Variants in CCDC102B observed in about 807,000 individuals in gnomAD.
CCDC102B encodes the protein coiled-coil domain-containing protein 102B.
Under a neutral mutation model 57.4 loss-of-function variants are expected in CCDC102B, and 75 were observed. The observed-to-expected ratio is 1.31, with a 90% CI of 1.08 to 1.58. CCDC102B has a LOEUF of 1.58. Ranked by LOEUF, CCDC102B falls within the 40% of genes most tolerant of loss-of-function variation. CCDC102B has a pLI of 0.00. For synonymous variants in CCDC102B, 206 were observed against 201.9 expected (o/e 1.02, Z -0.17); for missense variants, 636 against 582.6 (o/e 1.09, Z -0.94).
chr18:68,718,292 G>C (rs950784694), intron 2 of CCDC102B, among the ~76,000 whole-genome samples: 12 of 152,164 alleles, frequency 7.9e-5, no homozygotes, highest in Admixed American at 5.9e-4. Flanking sequence ...GAGTAGAATA[G>C]AAGATAAATT....
intron 6 of CCDC102B, among the ~76,000 whole-genome samples, chr18:68,935,679 C>A (rs1014333868): frequency 2.0e-5 from 3 of 151,824 alleles, no homozygotes; most frequent in African/African-American, 7.3e-5. Flanking sequence ...AGAAAAGCAA[C>A]CAGGCCAGAA....
chr18:68,916,753 A>G (rs1048070607), intron 6 of CCDC102B, among the ~76,000 whole-genome samples: 1 of 152,214 alleles, frequency 6.6e-6, no homozygotes, highest in Non-Finnish European at 1.5e-5. Flanking sequence ...ACTCTGTTCA[A>G]TGTTACAAAT....
At chr18:68,720,316 A>C (rs1376205025) in intron 2 of CCDC102B, among the ~76,000 whole-genome samples, 1 of 152,208 alleles carries the variant, frequency 6.6e-6, no homozygotes, top group East Asian at 1.9e-4. Flanking sequence ...AGGAATTTTC[A>C]GGTGGTTTTT....
intron 6 of CCDC102B, among the ~76,000 whole-genome samples, chr18:68,930,937 A>T (rs2041652572): frequency 6.6e-6 from 1 of 151,882 alleles, no homozygotes; most frequent in African/African-American, 2.4e-5. Context: ...TCAAATGAGC[A>T]CATGATTTGT....
chr18:68,892,840 T>C (rs903678873), intron 5 of CCDC102B, among the ~76,000 whole-genome samples: 8 of 152,176 alleles, frequency 5.3e-5, no homozygotes, highest in African/African-American at 1.9e-4. Flanking sequence ...TAAAAATAGG[T>C]ATAACATCAA....
intron 4 of CCDC102B, among the ~76,000 whole-genome samples, chr18:68,850,032 T>C (rs28585970): frequency 0.027 from 4,168 of 152,172 alleles, 189 homozygotes; most frequent in African/African-American, 0.094. Context: ...TTTCCACTTA[T>C]AATTCACAGA....
chr18:68,730,827 G>A (rs573923791), intron 2 of CCDC102B, among the ~76,000 whole-genome samples: 3 of 152,128 alleles, frequency 2.0e-5, no homozygotes, highest in East Asian at 1.9e-4. Flanking sequence ...ACTGTATTCC[G>A]CATCCTGTAT....
chr18:68,899,407 T>C (rs1056529367), intron 6 of CCDC102B, among the ~76,000 whole-genome samples: 1 of 151,834 alleles, frequency 6.6e-6, no homozygotes, highest in Non-Finnish European at 1.5e-5. Flanking sequence ...ATAACTACCA[T>C]AGATGAATAC....
intron 6 of CCDC102B, among the ~76,000 whole-genome samples, chr18:68,988,431 C>T (rs765994828): frequency 4.0e-5 from 6 of 151,764 alleles, no homozygotes; most frequent in Non-Finnish European, 5.9e-5. Flanking sequence ...GAGCAAGGAC[C>T]TACTGAGTAC....
chr18:68,741,295 G>A (rs975623082), intron 2 of CCDC102B, among the ~76,000 whole-genome samples: 1 of 152,220 alleles, frequency 6.6e-6, no homozygotes, highest in African/African-American at 2.4e-5. Context: ...AGGCAGGACA[G>A]GGGGTCAAGC....
intron 5 of CCDC102B, among the ~76,000 whole-genome samples, chr18:68,893,810 C>T (rs2040156519): frequency 6.6e-6 from 1 of 152,122 alleles, no homozygotes; most frequent in African/African-American, 2.4e-5. Context: ...ACAGTTTTTA[C>T]AAGCAACTCA....
chr18:68,959,015 G>C (rs1178251239), intron 6 of CCDC102B, among the ~76,000 whole-genome samples: 2 of 152,154 alleles, frequency 1.3e-5, no homozygotes, highest in Non-Finnish European at 2.9e-5. Context: ...TGCTTGTGTA[G>C]TTTGTTTAGT....
upstream of CCDC102B, among the ~76,000 whole-genome samples, chr18:68,795,492 G>T (rs1283595415): frequency 6.6e-6 from 1 of 152,146 alleles, no homozygotes; most frequent in Non-Finnish European, 1.5e-5. Flanking sequence ...ATGTCAGTCA[G>T]CAATACTCTT....
At chr18:68,890,472 G>A (rs943796572) in intron 5 of CCDC102B, among the ~76,000 whole-genome samples, 15 of 152,114 alleles carry the variant, frequency 9.9e-5, no homozygotes, top group African/African-American at 2.9e-4. Context: ...TGGTCCACTC[G>A]GTTGGGCCTA....
At chr18:68,736,920 A>G (rs989138938) in intron 2 of CCDC102B, among the ~76,000 whole-genome samples, 1 of 151,890 alleles carries the variant, frequency 6.6e-6, no homozygotes, top group Non-Finnish European at 1.5e-5. Context: ...TAGTGTGCAA[A>G]CAATCGTATC....
intron 2 of CCDC102B, among the ~76,000 whole-genome samples, chr18:68,762,737 A>G (rs2034294179): frequency 6.6e-6 from 1 of 152,212 alleles, no homozygotes. Flanking sequence ...AATTCATGCT[A>G]CTTTTGCTGA....
intron 4 of CCDC102B, among the ~76,000 whole-genome samples, chr18:68,852,974 CAT>C (rs1207811083): frequency 6.6e-6 from 1 of 152,124 alleles, no homozygotes; most frequent in Non-Finnish European, 1.5e-5. Context: ...AATATGATCA[CAT>C]GTGTTTTTGT....
chr18:68,838,505 T>G (rs1410051205), intron 2 of CCDC102B: 1 of 985,098 alleles, frequency 1.0e-6, no homozygotes, highest in Admixed American at 6.2e-5. Context: ...ATTTTTTTTA[T>G]GAGAAAGTAG....
intron 2 of CCDC102B, chr18:68,717,976 T>A (rs1483550087): frequency 6.6e-6 from 1 of 152,292 alleles, no homozygotes; most frequent in Admixed American, 6.5e-5. Context: ...AGGGATCATC[T>A]TAGTCCCTTT....
Sources: gnomAD v4.1 joint callset for allele counts (sites outside exome capture counted in the v4.1 genomes callset) on GRCh38, gnomAD v4.1.1 for gene constraint, MANE v1.5 for transcripts, NCBI Gene and HGNC (gene_info 2026-07-23, HGNC 2026-07-21) for gene names.